C7: variants seen among roughly 807,000 people sequenced by gnomAD.
C7 encodes the protein complement C7.
C7 carries 83 observed loss-of-function variants against 104.8 expected under a neutral mutation model. The ratio of observed to expected loss-of-function variants is 0.79; its 90% CI spans 0.66 to 0.95. The LOEUF is 0.95. Ranked by LOEUF, C7 falls within the 40% of genes least tolerant of loss-of-function variation. The probability of loss-of-function intolerance (pLI) is 0.00; values close to 1 mark genes in which losing one functional copy is unlikely to be tolerated. For missense variants in C7, 1,070 were observed against 1,011.2 expected, an observed-to-expected ratio of 1.06 and a Z score of -0.79; for synonymous variants, 415 against 360.6, an observed-to-expected ratio of 1.15 and a Z score of -1.71.
chr5:40,916,868 C>T (rs1046271390), intron 1 of C7, among the ~76,000 whole-genome samples: 1 of 152,042 alleles, frequency 6.6e-6, no homozygotes, highest in Admixed American at 6.6e-5. Flanking sequence ...ACCTCCCATA[C>T]TTTTGTAGGG....
At chr5:40,917,156 A>T (rs1739336548) in intron 1 of C7, among the ~76,000 whole-genome samples, 1 of 151,760 alleles carries the variant, frequency 6.6e-6, no homozygotes, top group African/African-American at 2.4e-5. Flanking sequence ...AAAGAAAAAG[A>T]ATATAATATA....
At chr5:40,957,952 G>A (rs1253150314) in intron 10 of C7, 81 bp from the exon 11 acceptor site, 2 of 883,594 alleles carry the variant, frequency 2.3e-6, no homozygotes, top group Admixed American at 3.0e-5. Flanking sequence ...TTGTTTTAAT[G>A]AGAGTCGTGC....
intron 1 of C7, among the ~76,000 whole-genome samples, chr5:40,925,308 G>C (rs1739529367): frequency 6.6e-6 from 1 of 152,018 alleles, no homozygotes; most frequent in Non-Finnish European, 1.5e-5. Context: ...CATAAACAGA[G>C]TGCAGCCAAG....
chr5:40,972,722 G>A, intron 15 of C7, 128 bp downstream of exon 15: 1 of 710,392 alleles, frequency 1.4e-6, no homozygotes, highest in Non-Finnish European at 2.3e-6. Flanking sequence ...CTTAAGATAG[G>A]GTCAGTTTGT....
Position 40,947,515 on chromosome 5 carries a change from G to T in C7, c.739-87G>T. 7 of 1,411,300 alleles carry T rather than the reference G, an allele frequency of 5.0e-6. No individual in the cohort carries two copies. In the South Asian group the frequency reaches 7.5e-5, roughly 15 times the overall value. The allele number at this position is 1,411,300 out of a possible 1,614,324, so 87.4% of individuals were successfully genotyped here. On this transcript the variant is annotated intron_variant, in intron 7 of 17. Transcript: ENST00000313164. ...TAGTCTTGGTTGATTGGAGATGAGA[G>T]CTGATGAAGGTATTGAACAGAGAAC...
At chr5:40,910,039 A>G (rs1739175253) in intron 1 of C7, among the ~76,000 whole-genome samples, 2 of 144,454 alleles carry the variant, frequency 1.4e-5, no homozygotes, top group South Asian at 2.1e-4. Context: ...CGATTTATCT[A>G]AGAGCTAATA....
intron 14 of C7, among the ~76,000 whole-genome samples, chr5:40,966,220 T>TAC (rs1441856868): frequency 1.3e-5 from 2 of 152,116 alleles, no homozygotes; most frequent in Non-Finnish European, 2.9e-5. Flanking sequence ...ACTCAGGCAG[T>TAC]ACACACTGCA....
At position 40,952,478 on chromosome 5, in the gene C7, T is replaced by TTTTGTTTA. The variant is rs1554043105; in HGVS notation, c.1093+2467_1093+2468insGTTTATTT. Among the ~76,000 whole-genome samples, 579 of 149,316 alleles carry TTTTGTTTA rather than the reference T, an allele frequency of 3.9e-3. 3 individuals carry two copies. The highest frequency in any genetic ancestry group is 4.5e-3 in the Non-Finnish European group (306 of 67,274). On this transcript the variant is annotated intron_variant, in intron 9 of 17. Transcript: ENST00000313164. ...TCATGATGGTAGAATCTGTAATTCT[T>TTTTGTTTA]TTTATTTATTTATTTATTTATTTAT...
chr5:40,934,601 A>T (rs1184644113), intron 4 of C7, 135 bp downstream of exon 4: 1 of 877,338 alleles, frequency 1.1e-6, no homozygotes, highest in Non-Finnish European at 1.8e-6. Flanking sequence ...TATCATCAGG[A>T]TTTTTGTTGG....
rs976996035 is a variant in C7 at position 40,950,204 on chromosome 5, A to G, written c.1093+190A>G. Among the ~76,000 whole-genome samples the G allele has an allele frequency of 4.0e-5, 6 of 150,414 alleles. No individual in the cohort carries two copies. The Admixed American group carries it at 4.0e-4, about 10-fold the overall frequency. On this transcript the variant is annotated intron_variant, in intron 9 of 17. Coordinates refer to ENST00000313164, the MANE Select transcript of C7 (RefSeq NM_000587.4). ...TTTTCCTGATCTTCTCCCTCCTCCC[A>G]CTCTCCACTCTCCAAAATGCCCCAG... is the stretch of plus-strand genomic sequence containing the variant.
At chr5:40,978,322 A>G (rs1740864362) in intron 16 of C7, among the ~76,000 whole-genome samples, 3 of 152,180 alleles carry the variant, frequency 2.0e-5, no homozygotes, top group East Asian at 3.9e-4. Context: ...TGGTCAGCCT[A>G]GATACATTCT....
intron 3 of C7, among the ~76,000 whole-genome samples, chr5:40,931,965 G>C (rs755841442): frequency 9.2e-5 from 14 of 152,066 alleles, no homozygotes; most frequent in Non-Finnish European, 1.8e-4. Context: ...TAACCATCTT[G>C]GCCAGGATGG....
intron 10 of C7, among the ~76,000 whole-genome samples, chr5:40,957,821 TC>T (rs1740327443): frequency 6.6e-6 from 1 of 151,266 alleles, no homozygotes; most frequent in African/African-American, 2.4e-5. Flanking sequence ...AAAAAATTCC[TC>T]CCCCATGTGA....
chr5:40,922,328 TTG>T (rs1739455153), intron 1 of C7, among the ~76,000 whole-genome samples: 1 of 132,992 alleles, frequency 7.5e-6, no homozygotes, highest in South Asian at 2.4e-4. Flanking sequence ...TGAGCAGAGA[TTG>T]TGTCACTGCA....
rs1739605230 is a variant in C7 at position 40,928,471 on chromosome 5, T to A, written c.7-109T>A. Reference sequence around the variant, plus strand: ...AATTATTTCACATTGTATTGAGAAATAATAACATCACTTTGTACCCCATAA... The same window carrying A: ...AATTATTTCACATTGTATTGAGAAAAAATAACATCACTTTGTACCCCATAA... On this transcript the variant is annotated intron_variant, in intron 1 of 17. Coordinates refer to ENST00000313164, the MANE Select transcript of C7 (RefSeq NM_000587.4). 1.4e-5 allele frequency: 9 copies of A among 641,736 alleles called. No homozygotes were observed. The South Asian group carries it at 1.9e-4, about 13-fold the overall frequency. 39.8% of individuals were successfully genotyped at this position (641,736 alleles called of 1,614,324 possible).
intron 13 of C7, among the ~76,000 whole-genome samples, chr5:40,964,050 T>TTTTTTTG: frequency 1.0e-5 from 1 of 99,426 alleles, no homozygotes; most frequent in East Asian, 3.2e-4. Flanking sequence ...TTTTTTTTTT[T>TTTTTTTG]TAGAGAGAGA....
At chr5:40,933,468 C>G (rs544227046) in intron 3 of C7, among the ~76,000 whole-genome samples, 2 of 152,168 alleles carry the variant, frequency 1.3e-5, no homozygotes, top group South Asian at 2.1e-4. Flanking sequence ...TACATGTCTT[C>G]ATAGTGAATG....
Position 40,979,834 on chromosome 5 carries a change from G to A in C7, c.2275G>A (p.Gly759Ser). The change falls in exon 17 of 18, where the codon GGT becomes AGT. Residue 759 changes from glycine to serine, a missense_variant. Transcript: ENST00000313164. ...TCAGGGTAGAAATTACACCCTTACT[G>A]GTAGGGACAGCTGTACTCTGCCTGC... ...HCQGRNYTLT[G>S]RDSCTLPASA... 1 of 1,613,562 alleles carries A rather than the reference G, an allele frequency of 6.2e-7. No individual in the cohort carries two copies. Among genetic ancestry groups the A allele is most frequent in the South Asian group, 1.1e-5 (1 of 91,008 alleles).
intron 14 of C7, among the ~76,000 whole-genome samples, chr5:40,970,118 T>G (rs1369944544): frequency 6.6e-6 from 1 of 152,186 alleles, no homozygotes; most frequent in Non-Finnish European, 1.5e-5. Context: ...CAAAAAGTGC[T>G]GTGGATTTTT....
Sources: allele counts gnomAD v4.1 joint callset (sites outside exome capture counted in the v4.1 genomes callset), GRCh38; gene constraint gnomAD v4.1.1; transcripts MANE v1.5; gene names NCBI Gene and HGNC (gene_info 2026-07-23, HGNC 2026-07-21).